The following PPM1E variants were observed in gnomAD, a reference collection of about 807,000 sequenced individuals.
The protein encoded by PPM1E is protein phosphatase, Mg2+/Mn2+ dependent 1E.
In PPM1E, 20 loss-of-function variants were observed where a neutral mutation model predicts 65.9. The observed-to-expected ratio is 0.30, with a 90% CI of 0.21 to 0.44. The LOEUF (loss-of-function observed/expected upper bound fraction) is 0.44. Among genes scored for constraint, PPM1E ranks in the 20% least tolerant of loss-of-function variants. The pLI is 1.00. For synonymous variants in PPM1E, 352 were observed against 374.9 expected, an observed-to-expected ratio of 0.94 and a Z score of 0.70; for missense variants, 713 against 953.1, an observed-to-expected ratio of 0.75 and a Z score of 3.32.
chr17:58,871,829 A>AGAAG (rs1272832252), intron 1 of PPM1E, among the ~76,000 whole-genome samples: 2 of 148,304 alleles, frequency 1.3e-5, no homozygotes, highest in African/African-American at 5.0e-5. Flanking sequence ...AAAAAAAAAA[A>AGAAG]AAGAAGAAGA....
chr17:58,960,696 G>A (rs769932151), intron 2 of PPM1E, among the ~76,000 whole-genome samples: 16 of 150,916 alleles, frequency 1.1e-4, no homozygotes, highest in Non-Finnish European at 2.2e-4. Flanking sequence ...AATTGAGGAG[G>A]CGGAGGTTCC....
chr17:58,779,337 A>G (rs2050029908), intron 1 of PPM1E, among the ~76,000 whole-genome samples: 1 of 151,574 alleles, frequency 6.6e-6, no homozygotes, highest in Non-Finnish European at 1.5e-5. Flanking sequence ...ACACCCAGCT[A>G]GTTTTTTGTA....
chr17:58,919,244 CAT>C lies in PPM1E; in HGVS notation c.465-36404_465-36403del, dbSNP rs1042647022. Reference sequence around the variant, plus strand: ...ATAAGAGAAATGTGGCATTTAGAAACATGTACTAAACCTGGTGGAAGAATAGA... The same window carrying C: ...ATAAGAGAAATGTGGCATTTAGAAACGTACTAAACCTGGTGGAAGAATAGA... On this transcript the variant is annotated intron_variant, in intron 1 of 6. Transcript: ENST00000308249. 1.8e-4 allele frequency among the ~76,000 whole-genome samples: 28 copies of C among 152,106 alleles called. 1 individual carries two copies. Among genetic ancestry groups the C allele is most frequent in the African/African-American group, 6.5e-4 (27 of 41,496 alleles).
intron 1 of PPM1E, among the ~76,000 whole-genome samples, chr17:58,801,285 T>C (rs1038554605): frequency 2.0e-5 from 3 of 152,160 alleles, no homozygotes; most frequent in African/African-American, 4.8e-5. Context: ...ACTTTTTCCT[T>C]TGATTCTGTC....
intron 1 of PPM1E, among the ~76,000 whole-genome samples, chr17:58,757,679 T>C (rs1215655793): frequency 2.0e-5 from 3 of 152,216 alleles, no homozygotes; most frequent in Non-Finnish European, 4.4e-5. Flanking sequence ...AGACACCTGA[T>C]CAGATCATTC....
rs148193081 is a variant in PPM1E, at chr17:58,976,659, G to A, written c.1211-3315G>A. ...GACAAAAGGATGTTGCCATTTCTAC[G>A]ATGAAATGGATATTCATGCCCTCCT... is the stretch of plus-strand genomic sequence containing the variant. On this transcript the variant is annotated intron_variant, in intron 6 of 6. Transcript: ENST00000308249. Among the ~76,000 whole-genome samples, 479 of 152,292 alleles carry A rather than the reference G, an allele frequency of 3.1e-3. 2 individuals are homozygous for A. Among genetic ancestry groups the A allele is most frequent in the African/African-American group, 0.011 (464 of 41,562 alleles).
At position 58,983,237 on chromosome 17, in the gene PPM1E, C is replaced by G; in HGVS notation, c.*2206C>G. The G allele has an allele frequency of 4.1e-6, 1 of 245,796 alleles. No homozygotes were observed. The highest frequency in any genetic ancestry group is 1.2e-4 in the South Asian group (1 of 8,094). 15.2% of individuals were successfully genotyped at this position (245,796 alleles called of 1,614,324 possible). ...CTCTACAAAATAAAGCAAAGTAGTT[C>G]TAGTGTGGTCGTTATAAACCAATAT... On this transcript the variant is annotated 3_prime_UTR_variant, in exon 7 of 7. Transcript: ENST00000308249.
chr17:58,766,435 C>T (rs1351808319), intron 1 of PPM1E, among the ~76,000 whole-genome samples: 1 of 149,670 alleles, frequency 6.7e-6, no homozygotes, highest in Non-Finnish European at 1.5e-5. Flanking sequence ...CTCCCGACCT[C>T]ATGTTCTGTC....
At chr17:58,880,490 A>AT (rs2051182637) in intron 1 of PPM1E, among the ~76,000 whole-genome samples, 2 of 152,362 alleles carry the variant, frequency 1.3e-5, no homozygotes, top group African/African-American at 4.8e-5. Flanking sequence ...ACAATCTTTC[A>AT]GGGAAAATCT....
At chr17:58,773,587 ATC>A (rs933672606) in intron 1 of PPM1E, among the ~76,000 whole-genome samples, 2 of 152,196 alleles carry the variant, frequency 1.3e-5, no homozygotes, top group African/African-American at 4.8e-5. Context: ...TGCATTTCTT[ATC>A]TCTTTTATTA....
intron 1 of PPM1E, among the ~76,000 whole-genome samples, chr17:58,905,886 T>G (rs1472245057): frequency 6.6e-6 from 1 of 152,184 alleles, no homozygotes; most frequent in Non-Finnish European, 1.5e-5. Context: ...AAAGAGACTG[T>G]AGAGAAATAG....
At chr17:58,816,597 TTTCATGTCTATGAATTGCCTA>T (rs2050417114) in intron 1 of PPM1E, among the ~76,000 whole-genome samples, 1 of 150,958 alleles carries the variant, frequency 6.6e-6, no homozygotes, top group African/African-American at 2.4e-5. Flanking sequence ...CTATTCTACT[TTTCATGTCTATGAATTGCCTA>T]TTTTTGGTCT....
At chr17:58,758,331 C>T (rs1305547602) in intron 1 of PPM1E, among the ~76,000 whole-genome samples, 2 of 151,918 alleles carry the variant, frequency 1.3e-5, no homozygotes, top group Non-Finnish European at 1.5e-5. Context: ...AGTTCGAGAC[C>T]AGCCTGACCA....
chr17:58,768,312 T>G (rs1363894274), intron 1 of PPM1E, among the ~76,000 whole-genome samples: 1 of 152,008 alleles, frequency 6.6e-6, no homozygotes, highest in Non-Finnish European at 1.5e-5. Context: ...ATTCCTAGGC[T>G]CAAGTGATCC....
At chr17:58,807,430 G>C (rs1238686836) in intron 1 of PPM1E, among the ~76,000 whole-genome samples, 1 of 148,348 alleles carries the variant, frequency 6.7e-6, no homozygotes. Context: ...TTAAGTAGCA[G>C]TTAGTATATA....
At position 58,984,583 on chromosome 17, in the gene PPM1E, G is replaced by T. The variant is rs1417650671; in HGVS notation, c.*3552G>T. 1 of 152,506 alleles carries T rather than the reference G, an allele frequency of 6.6e-6. No individual in the cohort carries two copies. The highest frequency in any genetic ancestry group is 1.5e-5 in the Non-Finnish European group (1 of 68,014). The allele number at this position is 152,506 out of a possible 1,614,324, so 9.4% of individuals were successfully genotyped here. A position where few individuals can be genotyped will look rare whatever the true frequency, so the allele number is the denominator to read the frequency against. ...TTCTTTGAATCGTAAGTTAGCAAAAGAAATTTTTTTCACCTTTGAAAATCA... is the reference window on the plus strand; with the variant it reads ...TTCTTTGAATCGTAAGTTAGCAAAATAAATTTTTTTCACCTTTGAAAATCA... On this transcript the variant is annotated 3_prime_UTR_variant, in exon 7 of 7. Coordinates refer to ENST00000308249, the MANE Select transcript of PPM1E (RefSeq NM_014906.5).
At chr17:58,872,448 G>C (rs2051081580) in intron 1 of PPM1E, among the ~76,000 whole-genome samples, 1 of 152,220 alleles carries the variant, frequency 6.6e-6, no homozygotes, top group South Asian at 2.1e-4. Flanking sequence ...GTTGGTAGCA[G>C]CGTTCCAGTT....
At chr17:58,773,858 T>C (rs1423246648) in intron 1 of PPM1E, among the ~76,000 whole-genome samples, 1 of 152,098 alleles carries the variant, frequency 6.6e-6, no homozygotes, top group East Asian at 1.9e-4. Context: ...GAATCTGTTT[T>C]GAATAAAAAT....
intron 1 of PPM1E, among the ~76,000 whole-genome samples, chr17:58,856,263 G>A (rs778700423): frequency 2.6e-5 from 4 of 151,914 alleles, no homozygotes; most frequent in Non-Finnish European, 5.9e-5. Flanking sequence ...TTTTGAGATG[G>A]AGTTTTGCTA....
Sources: allele counts gnomAD v4.1 joint callset (sites outside exome capture counted in the v4.1 genomes callset), GRCh38; gene constraint gnomAD v4.1.1; transcripts MANE v1.5; gene names NCBI Gene and HGNC (gene_info 2026-07-23, HGNC 2026-07-21).